Variants in GDE1 observed in about 807,000 individuals in gnomAD.
The protein encoded by GDE1 is RGS16-interacting membrane protein.
GDE1 carries 24 observed loss-of-function variants against 32.2 expected under a neutral mutation model. That is an observed-to-expected ratio of 0.75 (90% CI 0.54 to 1.05). The LOEUF (loss-of-function observed/expected upper bound fraction) is 1.05, where lower values mean the gene tolerates loss of function less well. Among genes scored for constraint, GDE1 ranks in the 50% least tolerant of loss-of-function variants. The pLI, the probability that GDE1 is intolerant of heterozygous loss-of-function variation, is 0.00. For missense variants in GDE1, 380 were observed against 415.0 expected (o/e 0.92, Z 0.73); for synonymous variants, 159 against 158.6 (o/e 1.00, Z -0.02).
intron 3 of GDE1, 22 bp from the exon 4 acceptor site, chr16:19,507,801 A>C: frequency 9.0e-7 from 1 of 1,106,782 alleles, no homozygotes; most frequent in Non-Finnish European, 1.4e-6. Flanking sequence ...AGAGATTCAT[A>C]TATTTAAAAT....
chr16:19,505,740 G>C (rs1969238564), intron 4 of GDE1, among the ~76,000 whole-genome samples: 2 of 152,164 alleles, frequency 1.3e-5, no homozygotes, highest in Admixed American at 6.6e-5. Context: ...CAAGCCCCAT[G>C]ACCCTATTCA....
At chr16:19,520,442 G>C (rs1969436111) in intron 1 of GDE1, among the ~76,000 whole-genome samples, 1 of 151,316 alleles carries the variant, frequency 6.6e-6, no homozygotes, top group Non-Finnish European at 1.5e-5. Flanking sequence ...AAATGAGGGA[G>C]GCCAGGCATG....
rs774878318 is a variant in GDE1, at chr16:19,517,094, C to T, written c.357G>A (p.Thr119=). ...CACACAATCGCCCAGTCCCATCAGTCGTCCTATCTACTGTGTTATCGTGCA... is the reference window on the plus strand; with the variant it reads ...CACACAATCGCCCAGTCCCATCAGTTGTCCTATCTACTGTGTTATCGTGCA... ...VLMHDNTVDR[T]TDGTGRLCDL... is the part of the protein sequence containing the mutation. The change falls in exon 2 of 6, where the codon ACG becomes ACA. Residue 119 remains threonine, a synonymous_variant. Coordinates refer to ENST00000353258, the MANE Select transcript of GDE1 (RefSeq NM_016641.4). 29 of 1,613,872 alleles carry T rather than the reference C, an allele frequency of 1.8e-5. No homozygotes were observed. Among genetic ancestry groups the T allele is most frequent in the East Asian group, 6.7e-5 (3 of 44,898 alleles).
chr16:19,520,865 TAGG>T (rs1227993516), intron 1 of GDE1, among the ~76,000 whole-genome samples: 2 of 152,046 alleles, frequency 1.3e-5, no homozygotes, highest in Non-Finnish European at 2.9e-5. Flanking sequence ...ATTATGAAGC[TAGG>T]AGAATGCCAA....
intron 2 of GDE1, among the ~76,000 whole-genome samples, chr16:19,513,310 C>G (rs1597235313): frequency 6.6e-6 from 1 of 151,594 alleles, no homozygotes; most frequent in South Asian, 2.1e-4. Flanking sequence ...CTTGTAAGAG[C>G]TCTTTCACCT....
intron 5 of GDE1, chr16:19,504,578 G>A (rs1969220248): frequency 3.5e-6 from 1 of 284,790 alleles, no homozygotes; most frequent in Non-Finnish European, 6.7e-6. Flanking sequence ...CCAGGATCCT[G>A]TGTTGGCTTT....
At position 19,505,082 on chromosome 16, in the gene GDE1, G is replaced by C; in HGVS notation, c.647C>G (p.Thr216Arg). Residue 216 changes from threonine to arginine, a missense_variant, in exon 5 of 6, where the codon ACA (threonine) becomes AGA (arginine). By Grantham distance (71) the Thr-to-Arg change is moderately conservative (BLOSUM62 -1). Coordinates refer to ENST00000353258, the MANE Select transcript of GDE1 (RefSeq NM_016641.4). ...LPEVIYKMRQ[T>R]DRDVITALTH... ...TAATGCTGTTATTACATCCCGATCT[G>C]TTTGTCTCATCTGCAAAGGAATTTG... is the stretch of plus-strand genomic sequence containing the variant. The C allele has an allele frequency of 6.2e-7, 1 of 1,606,212 alleles. No individual in the cohort carries two copies. Among genetic ancestry groups the C allele is most frequent in the Non-Finnish European group, 8.5e-7 (1 of 1,172,786 alleles).
chr16:19,507,141 A>AAAATAAATAAATAAATAAATAAAT (rs79540258), intron 4 of GDE1, among the ~76,000 whole-genome samples: 1 of 143,398 alleles, frequency 7.0e-6, no homozygotes, highest in Admixed American at 7.1e-5. Flanking sequence ...CCCGTCTTTT[A>AAAATAAATAAATAAATAAATAAAT]AAATAAATAA....
At position 19,503,293 on chromosome 16, in the gene GDE1, G is replaced by A; in HGVS notation, c.*177C>T. On this transcript the variant is annotated 3_prime_UTR_variant, in exon 6 of 6. Coordinates refer to ENST00000353258, the MANE Select transcript of GDE1 (RefSeq NM_016641.4). ...ACAGTGTTGAACTCTGGCATGCCAT[G>A]GTGCATGGTGGCAACACCGGGTTTA... The A allele has an allele frequency of 5.0e-6, 3 of 600,486 alleles. No individual in the cohort carries two copies. Among genetic ancestry groups the A allele is most frequent in the South Asian group, 2.2e-5 (1 of 46,026 alleles). The allele number at this position is 600,486 out of a possible 1,614,324, so 37.2% of individuals were successfully genotyped here. A position where few individuals can be genotyped will look rare whatever the true frequency, so the allele number is the denominator to read the frequency against.
At chr16:19,520,441 A>G (rs1316365059) in intron 1 of GDE1, among the ~76,000 whole-genome samples, 1 of 151,018 alleles carries the variant, frequency 6.6e-6, no homozygotes, top group Non-Finnish European at 1.5e-5. Flanking sequence ...GAAATGAGGG[A>G]GGCCAGGCAT....
intron 5 of GDE1, chr16:19,504,680 T>C (rs1969221899): frequency 3.8e-6 from 2 of 528,390 alleles, no homozygotes; most frequent in East Asian, 3.1e-5. Flanking sequence ...AAACCGAAAA[T>C]ATGTGATCGA....
chr16:19,516,133 G>A (rs1454928543), intron 2 of GDE1, among the ~76,000 whole-genome samples: 1 of 152,142 alleles, frequency 6.6e-6, no homozygotes, highest in African/African-American at 2.4e-5. Context: ...CATCTTGTAA[G>A]ATTAGCTCTA....
intron 1 of GDE1, among the ~76,000 whole-genome samples, chr16:19,518,289 T>C (rs1371764384): frequency 6.6e-6 from 1 of 152,236 alleles, no homozygotes; most frequent in Non-Finnish European, 1.5e-5. Context: ...TTTGACCTAA[T>C]TTCCTCAGTC....
At chr16:19,515,197 A>C (rs141717056) in intron 2 of GDE1, among the ~76,000 whole-genome samples, 129 of 152,242 alleles carry the variant, frequency 8.5e-4, no homozygotes, top group African/African-American at 3.0e-3. Context: ...GGCTGATCTT[A>C]GTTTCCTCCT....
chr16:19,518,508 G>C (rs1969409509), intron 1 of GDE1, among the ~76,000 whole-genome samples: 1 of 152,076 alleles, frequency 6.6e-6, no homozygotes, highest in Non-Finnish European at 1.5e-5. Context: ...CACAAGCTAG[G>C]ATGCAGTAGA....
At chr16:19,506,303 AAAAC>A (rs1197415384) in intron 4 of GDE1, among the ~76,000 whole-genome samples, 2 of 150,470 alleles carry the variant, frequency 1.3e-5, no homozygotes, top group Non-Finnish European at 2.9e-5. Flanking sequence ...GACCCCCCCC[AAAAC>A]AAACAAACAA....
At chr16:19,520,852 A>C (rs1369048833) in intron 1 of GDE1, among the ~76,000 whole-genome samples, 1 of 152,224 alleles carries the variant, frequency 6.6e-6, no homozygotes, top group Non-Finnish European at 1.5e-5. Flanking sequence ...GTAAGCTGTC[A>C]TTATTATGAA....
At position 19,503,421 on chromosome 16, in the gene GDE1, T is replaced by C; in HGVS notation, c.*49A>G. On this transcript the variant is annotated 3_prime_UTR_variant, in exon 6 of 6. Transcript: ENST00000353258. The stretch of plus-strand genomic sequence containing the variant: ...CACAAAGGGTATTTTGATATCCCTG[T>C]ATGAGGCCCCTGGCAGTTTCTGAAC... 1 of 1,569,458 alleles carries C rather than the reference T, an allele frequency of 6.4e-7. No individual in the cohort carries two copies.
intron 4 of GDE1, 74 bp from the exon 5 acceptor site, chr16:19,505,166 A>G (rs773182614): frequency 4.0e-5 from 41 of 1,032,696 alleles, no homozygotes; most frequent in South Asian, 1.7e-4. Flanking sequence ...GATTTAGCCA[A>G]TGTGCTCAAT....
Sources: allele counts gnomAD v4.1 joint callset (sites outside exome capture counted in the v4.1 genomes callset), GRCh38; gene constraint gnomAD v4.1.1; transcripts MANE v1.5; gene names NCBI Gene and HGNC (gene_info 2026-07-23, HGNC 2026-07-21).